PARL: variants seen among roughly 807,000 people sequenced by gnomAD.
PARL encodes presenilin associated rhomboid like, also known as presenilin-associated rhomboid-like protein, mitochondrial.
Under a neutral mutation model 51.6 loss-of-function variants are expected in PARL, and 44 were observed. The ratio of observed to expected loss-of-function variants is 0.85; its 90% CI spans 0.67 to 1.10. The LOEUF (loss-of-function observed/expected upper bound fraction) is 1.10, where lower values mean the gene tolerates loss of function less well. Among genes scored for constraint, PARL ranks in the 50% least tolerant of loss-of-function variants. The pLI is 0.00. For synonymous variants in PARL, 172 were observed against 164.0 expected (o/e 1.05, Z -0.37); for missense variants, 441 against 469.5 (o/e 0.94, Z 0.56).
In PARL at chr3:183,883,790, C is replaced by T. The variant is rs896077532; in HGVS notation, c.125+932G>A. ...TATAGGTTCTTCCACTCCACCCACC[C>T]CTCTCCTGATTGTGATTTGGGAGGA... On this transcript the variant is annotated intron_variant, in intron 1 of 9. Coordinates refer to ENST00000317096, the MANE Select transcript of PARL (RefSeq NM_018622.7). 8 of 619,484 alleles carry T rather than the reference C, an allele frequency of 1.3e-5. No homozygotes were observed. In the East Asian group the frequency reaches 1.1e-3, roughly 87 times the overall value. 38.4% of individuals were successfully genotyped at this position (619,484 alleles called of 1,614,324 possible).
At chr3:183,848,069 G>A (rs1730159486) in intron 4 of PARL, among the ~76,000 whole-genome samples, 1 of 152,088 alleles carries the variant, frequency 6.6e-6, no homozygotes, top group South Asian at 2.1e-4. Context: ...AAAGTAAGGA[G>A]CTCTGAAAAC....
intron 1 of PARL, among the ~76,000 whole-genome samples, chr3:183,869,394 T>C (rs112169914): frequency 0.024 from 3,623 of 151,994 alleles, 156 homozygotes; most frequent in African/African-American, 0.084. Context: ...TTTTAGTAGA[T>C]ATGGGGTTTC....
At chr3:183,831,263 A>G (rs1202085986) in intron 9 of PARL, among the ~76,000 whole-genome samples, 1 of 152,260 alleles carries the variant, frequency 6.6e-6, no homozygotes, top group Non-Finnish European at 1.5e-5. Flanking sequence ...GGCGTGAGCC[A>G]CTGCGCCCGG....
Position 183,829,375 on chromosome 3 carries a change from A to C in PARL, c.*223T>G. 2 of 1,443,258 alleles carry C rather than the reference A, an allele frequency of 1.4e-6. No homozygotes were observed. The highest frequency in any genetic ancestry group is 2.8e-5 in the South Asian group (2 of 70,288). The allele number at this position is 1,443,258 out of a possible 1,614,324, so 89.4% of individuals were successfully genotyped here. A position where few individuals can be genotyped will look rare whatever the true frequency, so the allele number is the denominator to read the frequency against. ...AGCCGTGTCGGCCCCTTAAAGAGAG[A>C]ACACACACATCTGCTTACAAACTAG... On this transcript the variant is annotated 3_prime_UTR_variant, in exon 10 of 10. Transcript: ENST00000317096.
At chr3:183,877,139 A>C (rs953119797) in intron 1 of PARL, among the ~76,000 whole-genome samples, 2 of 152,190 alleles carry the variant, frequency 1.3e-5, no homozygotes, top group African/African-American at 4.8e-5. Context: ...GCTTGAACTA[A>C]GGAGGCAGAG....
intron 3 of PARL, among the ~76,000 whole-genome samples, chr3:183,863,401 C>T (rs1321137962): frequency 6.6e-6 from 1 of 152,014 alleles, no homozygotes; most frequent in East Asian, 1.9e-4. Flanking sequence ...AAAATTGGCC[C>T]TGTCTTGGGG....
In PARL at chr3:183,829,430, T is replaced by A. The variant is rs1727653564; in HGVS notation, c.*168A>T. ...AAACCTTTATTTCACAACTTTATCA[T>A]CATTCACATTCTAAAAAGACACGGA... On this transcript the variant is annotated 3_prime_UTR_variant, in exon 10 of 10. Transcript: ENST00000317096. The A allele has an allele frequency of 7.0e-6, 11 of 1,575,758 alleles. No homozygotes were observed. Among genetic ancestry groups the A allele is most frequent in the Non-Finnish European group, 9.5e-6 (11 of 1,163,442 alleles).
intron 7 of PARL, among the ~76,000 whole-genome samples, chr3:183,836,818 A>G (rs919993662): frequency 1.3e-5 from 2 of 152,154 alleles, no homozygotes; most frequent in African/African-American, 2.4e-5. Flanking sequence ...ATCTCACTGC[A>G]ACCTCCGCCT....
At chr3:183,849,601 G>A (rs6808482) in intron 4 of PARL, among the ~76,000 whole-genome samples, 71,745 of 151,592 alleles carry the variant, frequency 0.47, 17,155 homozygotes, top group Middle Eastern at 0.57. Flanking sequence ...AGTGTAGAGA[G>A]GAGCAAACTA....
chr3:183,874,878 C>G (rs1021801051), intron 1 of PARL, among the ~76,000 whole-genome samples: 1 of 152,134 alleles, frequency 6.6e-6, no homozygotes, highest in African/African-American at 2.4e-5. Flanking sequence ...TTGAAACCAA[C>G]CTGGGCACCA....
chr3:183,872,495 T>C (rs1733327982), intron 1 of PARL, among the ~76,000 whole-genome samples: 2 of 152,244 alleles, frequency 1.3e-5, no homozygotes, highest in South Asian at 4.1e-4. Flanking sequence ...TTTGGAAAGT[T>C]ATAAACTTAT....
intron 7 of PARL, among the ~76,000 whole-genome samples, chr3:183,836,479 T>C (rs115381138): frequency 1.3e-5 from 2 of 152,170 alleles, no homozygotes; most frequent in Non-Finnish European, 2.9e-5. Context: ...TTTTGACAAA[T>C]ATTTGGGCTT....
In PARL at chr3:183,833,612, C is replaced by T. The variant is rs749961731; in HGVS notation, c.931-23G>A. 47 of 1,559,366 alleles carry T rather than the reference C, an allele frequency of 3.0e-5. 1 individual carries two copies. In the East Asian group the frequency reaches 8.3e-4, roughly 27 times the overall value. On this transcript the variant is annotated intron_variant, in intron 8 of 9. Transcript: ENST00000317096. ...GGCCTGAAAGGCAGCAAGAAACAAG[C>T]GGCACAACTGTGATTGCTCCAGCAC...
intron 4 of PARL, among the ~76,000 whole-genome samples, chr3:183,851,760 A>G (rs6443909): frequency 0.47 from 71,470 of 152,002 alleles, 17,003 homozygotes; most frequent in Middle Eastern, 0.57. Flanking sequence ...CAGAGAAGAA[A>G]CACAAATACT....
downstream of PARL, among the ~76,000 whole-genome samples, chr3:183,828,013 G>T (rs1464165461): frequency 1.3e-5 from 2 of 152,230 alleles, no homozygotes; most frequent in Admixed American, 6.5e-5. Context: ...TGAAGGCAGT[G>T]ATCGCGGGTC....
chr3:183,877,109 G>A (rs997256211), intron 1 of PARL, among the ~76,000 whole-genome samples: 13 of 152,216 alleles, frequency 8.5e-5, no homozygotes, highest in Non-Finnish European at 1.2e-4. Context: ...AGCTACTCAG[G>A]AGGCTGAGGC....
chr3:183,842,807 C>CAAAAAAA (rs370931513), intron 5 of PARL, among the ~76,000 whole-genome samples: 14 of 54,086 alleles, frequency 2.6e-4, no homozygotes, highest in African/African-American at 9.9e-4. Flanking sequence ...GACTCTATCT[C>CAAAAAAA]AAAAAAAAAA....
intron 4 of PARL, among the ~76,000 whole-genome samples, chr3:183,848,311 C>T (rs1165049680): frequency 2.0e-5 from 3 of 152,122 alleles, no homozygotes; most frequent in South Asian, 2.1e-4. Context: ...GCGCAATCTC[C>T]GCTCACTGAA....
At position 183,882,232 on chromosome 3, in the gene PARL, T is replaced by A. The variant is rs1734561683; in HGVS notation, c.125+2490A>T. Among the ~76,000 whole-genome samples, 6 of 20,664 alleles carry A rather than the reference T, an allele frequency of 2.9e-4. 1 individual carries two copies. The highest frequency in any genetic ancestry group is 1.9e-3 in the East Asian group (1 of 526). 13.6% of individuals were successfully genotyped at this position (20,664 alleles called of 152,430 possible). A position where few individuals can be genotyped will look rare whatever the true frequency, so the allele number is the denominator to read the frequency against. On this transcript the variant is annotated intron_variant, in intron 1 of 9. Transcript: ENST00000317096. The stretch of plus-strand genomic sequence containing the variant: ...AAAAAAAAAAAAAAAAATATATATA[T>A]ATATATATATATTTATATATATATA...
Sources: allele counts gnomAD v4.1 joint callset (sites outside exome capture counted in the v4.1 genomes callset), GRCh38; gene constraint gnomAD v4.1.1; transcripts MANE v1.5; gene names NCBI Gene and HGNC (gene_info 2026-07-23, HGNC 2026-07-21).